The following HDAC5 variants were observed in gnomAD, a reference collection of about 807,000 sequenced individuals.
The protein encoded by HDAC5 is antigen NY-CO-9.
A neutral mutation model predicts 133.3 loss-of-function variants in HDAC5; 25 were observed. That is an observed-to-expected ratio of 0.19 (90% CI 0.14 to 0.26). The LOEUF is 0.26. Ranked by LOEUF, HDAC5 falls within the 10% of genes least tolerant of loss-of-function variation. HDAC5 has a pLI of 1.00. For missense variants in HDAC5, 1,041 were observed against 1,460.5 expected (o/e 0.71, Z 4.68); for synonymous variants, 589 against 610.8 (o/e 0.96, Z 0.53).
chr17:44,098,934 T>TG (rs2051425062), intron 3 of HDAC5, among the ~76,000 whole-genome samples: 1 of 151,470 alleles, frequency 6.6e-6, no homozygotes, highest in African/African-American at 2.4e-5. Flanking sequence ...CTGGCCAACA[T>TG]GGAAAAACCC....
intron 3 of HDAC5, among the ~76,000 whole-genome samples, chr17:44,100,950 A>G (rs1406028183): frequency 6.7e-6 from 1 of 148,282 alleles, no homozygotes. Flanking sequence ...CACCACACCC[A>G]CCTAATTTTT....
intron 3 of HDAC5, among the ~76,000 whole-genome samples, chr17:44,100,536 C>A (rs2051530544): frequency 6.9e-6 from 1 of 144,170 alleles, no homozygotes; most frequent in Non-Finnish European, 1.5e-5. Context: ...AGTTTGAGAC[C>A]AGCCTGGCCA....
chr17:44,096,111 G>A (rs1597980742), intron 3 of HDAC5, among the ~76,000 whole-genome samples: 1 of 152,128 alleles, frequency 6.6e-6, no homozygotes, highest in East Asian at 1.9e-4. Flanking sequence ...ACACCAGCAG[G>A]GAGCCCCAAG....
chr17:44,117,598 C>CGATAACAGACAGACGGACGG lies in HDAC5; in HGVS notation c.-103_-84dup. On this transcript the variant is annotated 5_prime_UTR_variant, in exon 2 of 27. An upstream open reading frame in the 5' UTR loses its in-frame stop. Transcript: ENST00000682912. This position sits in a 1 kb window ranked among gnomAD's most constrained non-coding sequence, Gnocchi z 4.2. Reference sequence around the variant, plus strand: ...CTGCGGTGATGTCAAGAGAGACAGACGATAACAGACAGACGGACGGGACGG... The same window carrying CGATAACAGACAGACGGACGG: ...CTGCGGTGATGTCAAGAGAGACAGACGATAACAGACAGACGGACGGGATAACAGACAGACGGACGGGACGG... 1 of 1,508,842 alleles carries CGATAACAGACAGACGGACGG rather than the reference C, an allele frequency of 6.6e-7. No individual in the cohort carries two copies. Among genetic ancestry groups the CGATAACAGACAGACGGACGG allele is most frequent in the Non-Finnish European group, 9.2e-7 (1 of 1,092,462 alleles). 93.5% of individuals were successfully genotyped at this position (1,508,842 alleles called of 1,614,324 possible).
chr17:44,089,557 C>A (rs891001965), intron 11 of HDAC5, among the ~76,000 whole-genome samples: 11 of 151,926 alleles, frequency 7.2e-5, no homozygotes, highest in African/African-American at 2.7e-4. Flanking sequence ...CCAGCCTGGC[C>A]AACGTGGTGA....
At chr17:44,082,214 C>A in intron 20 of HDAC5, 1 of 238,890 alleles carries the variant, frequency 4.2e-6, no homozygotes. Flanking sequence ...ATAAAGTACT[C>A]ATTGTGTTCC....
rs1446568312 is a variant in HDAC5, at chr17:44,080,512, T to A, written c.2728-14A>T. The stretch of plus-strand genomic sequence containing the variant: ...TCCTCCACCAACCTGGCACCAGAGT[T>A]GGGGAGAGGGCTATTCTCACCACCT... On this transcript the variant is annotated splice_polypyrimidine_tract_variant and intron_variant, in intron 21 of 26. Transcript: ENST00000682912. 1 of 1,613,394 alleles carries A rather than the reference T, an allele frequency of 6.2e-7. No homozygotes were observed. Among genetic ancestry groups the A allele is most frequent in the East Asian group, 2.2e-5 (1 of 44,862 alleles).
chr17:44,107,628 A>AG (rs71160086), intron 3 of HDAC5, among the ~76,000 whole-genome samples: 4 of 144,740 alleles, frequency 2.8e-5, no homozygotes, highest in East Asian at 2.0e-4. Context: ...AAAAAAAAAA[A>AG]GGGCAGGGAA....
intron 24 of HDAC5, 51 bp downstream of exon 24, chr17:44,079,093 G>T: frequency 6.3e-7 from 1 of 1,589,966 alleles, no homozygotes. Context: ...ACCCCTTGCT[G>T]GCCCCTCAGA....
chr17:44,082,669 T>C lies in HDAC5; in HGVS notation c.2523A>G (p.Gly841=). 4 of 1,613,806 alleles carry C rather than the reference T, an allele frequency of 2.5e-6. No homozygotes were observed. The highest frequency in any genetic ancestry group is 3.4e-6 in the Non-Finnish European group (4 of 1,179,872). ...TGGCTACAGAGTTGAAGAAGCAGAATCCCCTGAGGAGGGGAGAAAAGGGCA... is the reference window on the plus strand; with the variant it reads ...TGGCTACAGAGTTGAAGAAGCAGAACCCCCTGAGGAGGGGAGAAAAGGGCA... ...GHHAEESTAM[G]FCFFNSVAIT... The change falls in exon 20 of 27, where the codon GGA becomes GGG. Residue 841 remains glycine (G), a synonymous_variant. Coordinates refer to ENST00000682912, the MANE Select transcript of HDAC5 (RefSeq NM_005474.5).
intron 2 of HDAC5, among the ~76,000 whole-genome samples, chr17:44,116,743 TAGAACACAGCC>T (rs1330369269): frequency 2.6e-5 from 4 of 151,968 alleles, no homozygotes; most frequent in Non-Finnish European, 5.9e-5. Context: ...CTCAGGCCAC[TAGAACACAGCC>T]TCACAGGCAT....
chr17:44,118,516 C>A (rs114967614), intron 1 of HDAC5, among the ~76,000 whole-genome samples: 2,035 of 152,256 alleles, frequency 0.013, 53 homozygotes, highest in African/African-American at 0.046. Context: ...ACAAAAGGCC[C>A]AGCAGTAGCC....
At chr17:44,083,404 A>G (rs995410322) in intron 18 of HDAC5, 141 bp downstream of exon 18, 1 of 625,348 alleles carries the variant, frequency 1.6e-6, no homozygotes, top group Non-Finnish European at 2.8e-6. Context: ...CCAGCTGGCA[A>G]CTCCTTCCCA....
chr17:44,101,653 A>G (rs1023604427), intron 3 of HDAC5, among the ~76,000 whole-genome samples: 1 of 152,260 alleles, frequency 6.6e-6, no homozygotes, highest in African/African-American at 2.4e-5. Flanking sequence ...CCCTCAAGAC[A>G]CAGGTGAGGA....
chr17:44,111,927 T>C (rs1270921049), intron 2 of HDAC5, among the ~76,000 whole-genome samples: 1 of 152,136 alleles, frequency 6.6e-6, no homozygotes, highest in East Asian at 1.9e-4. Flanking sequence ...AGAGCACAGG[T>C]AGCTCCTCCA....
Position 44,087,560 on chromosome 17 carries a change from C to G in HDAC5, c.1736G>C (p.Ser579Thr). Residue 579 changes from serine (S) to threonine (T), a missense_variant, in exon 13 of 27, where the codon AGT becomes ACT. Ser to Thr is a moderately conservative substitution (Grantham distance 58). Transcript: ENST00000682912. ...CTCCAGGTCTTCCTGTGTGCTCTCA[C>G]TCTCTGTGGAGCCCTCCCGGGGCAT... ...LTMPREGSTE[S>T]ESTQEDLEEE... 1 of 1,614,146 alleles carries G rather than the reference C, an allele frequency of 6.2e-7. No homozygotes were observed. Among genetic ancestry groups the G allele is most frequent in the Non-Finnish European group, 8.5e-7 (1 of 1,180,002 alleles).
In HDAC5 at chr17:44,086,626, G is replaced by A. The variant is rs201553674; in HGVS notation, c.1996C>T (p.Pro666Ser). Residue 666 changes from proline (P) to serine (S), a missense_variant, in exon 14 of 27, where the codon CCT becomes TCT. This residue lies in a region of HDAC5 where 433 missense variants were observed against 531.6 expected (regional missense o/e 0.81). Coordinates refer to ENST00000682912, the MANE Select transcript of HDAC5 (RefSeq NM_005474.5). The part of the protein sequence containing the change: ...LGRTQSSPAA[P>S]GGMKSPPDQP... Reference sequence around the variant, plus strand: ...TCTGGGGGGCTCTTCATGCCCCCAGGGGCAGCAGGGGAGGACTGGGTACGG... The same window carrying A: ...TCTGGGGGGCTCTTCATGCCCCCAGAGGCAGCAGGGGAGGACTGGGTACGG... 4 of 1,302,936 alleles carry A rather than the reference G, an allele frequency of 3.1e-6. No homozygotes were observed. The East Asian group carries it at 1.1e-4, about 37-fold the overall frequency. 80.7% of individuals were successfully genotyped at this position (1,302,936 alleles called of 1,614,324 possible).
intron 3 of HDAC5, among the ~76,000 whole-genome samples, chr17:44,099,796 A>C (rs2051480697): frequency 6.6e-6 from 1 of 152,198 alleles, no homozygotes; most frequent in Non-Finnish European, 1.5e-5. Context: ...GTTTCTAGCC[A>C]TGCGAGGGGC....
At chr17:44,083,427 A>C in intron 18 of HDAC5, 118 bp downstream of exon 18, 2 of 689,388 alleles carry the variant, frequency 2.9e-6, no homozygotes, top group East Asian at 2.7e-5. Context: ...CTGGTGCCTG[A>C]GAGTTGAGCT....
Sources: gnomAD v4.1 joint callset for allele counts (sites outside exome capture counted in the v4.1 genomes callset) on GRCh38, gnomAD v4.1.1 for gene constraint, gnomAD v4.1.1 regional missense constraint, Gnocchi (gnomAD v3.1) non-coding constraint, MANE v1.5 for transcripts, NCBI Gene and HGNC (gene_info 2026-07-23, HGNC 2026-07-21) for gene names.